The following SEMA3A variants were observed in gnomAD, a reference collection of about 807,000 sequenced individuals.
SEMA3A encodes semaphorin 3A.
Under a neutral mutation model 97.9 loss-of-function variants are expected in SEMA3A, and 29 were observed. The ratio of observed to expected loss-of-function variants is 0.30; its 90% CI spans 0.22 to 0.40. The LOEUF is 0.40. Ranked by LOEUF, SEMA3A falls within the 10% of genes least tolerant of loss-of-function variation. The pLI, the probability that SEMA3A is intolerant of heterozygous loss-of-function variation, is 1.00. For synonymous variants in SEMA3A, 321 were observed against 323.7 expected, an observed-to-expected ratio of 0.99 and a Z score of 0.09; for missense variants, 763 against 951.3, an observed-to-expected ratio of 0.80 and a Z score of 2.60.
intron 2 of SEMA3A, among the ~76,000 whole-genome samples, chr7:84,357,326 A>T (rs13437801): frequency 0.33 from 41,666 of 124,866 alleles, 6,440 homozygotes; most frequent in Middle Eastern, 0.44. Context: ...TGATGTTCCC[A>T]TTCCTGTTTC....
intron 2 of SEMA3A, among the ~76,000 whole-genome samples, chr7:84,337,308 T>C (rs1390861095): frequency 6.6e-6 from 1 of 152,166 alleles, no homozygotes; most frequent in Non-Finnish European, 1.5e-5. Context: ...TAGCACATTT[T>C]TGTTGATGCA....
intron 3 of SEMA3A, among the ~76,000 whole-genome samples, chr7:84,203,857 G>C (rs919056554): frequency 6.6e-6 from 1 of 151,916 alleles, no homozygotes. Context: ...TGCACTAGTT[G>C]TTCATGCTTT....
At chr7:84,052,253 T>A (rs929400267) in intron 5 of SEMA3A, among the ~76,000 whole-genome samples, 1 of 152,152 alleles carries the variant, frequency 6.6e-6, no homozygotes, top group Non-Finnish European at 1.5e-5. Flanking sequence ...ATTCCCTCTT[T>A]TTCTATTGAT....
intron 3 of SEMA3A, among the ~76,000 whole-genome samples, chr7:84,288,348 A>G (rs911495409): frequency 6.6e-6 from 1 of 152,204 alleles, no homozygotes; most frequent in African/African-American, 2.4e-5. Context: ...AGTGACACCC[A>G]TAAAGTAATT....
At chr7:84,339,247 G>A (rs1802107478) in intron 2 of SEMA3A, among the ~76,000 whole-genome samples, 1 of 152,112 alleles carries the variant, frequency 6.6e-6, no homozygotes. Context: ...TAGATGAATT[G>A]GGGACTAATA....
At chr7:84,086,639 C>T (rs1794383992) in intron 4 of SEMA3A, among the ~76,000 whole-genome samples, 1 of 142,658 alleles carries the variant, frequency 7.0e-6, no homozygotes, top group Admixed American at 7.3e-5. Flanking sequence ...AAGAAAATAA[C>T]TTGTGCTCCA....
chr7:84,404,568 G>C (rs1276402668), intron 1 of SEMA3A, among the ~76,000 whole-genome samples: 2 of 152,056 alleles, frequency 1.3e-5, no homozygotes, highest in African/African-American at 4.8e-5. Context: ...TCCTCGAGAA[G>C]AGCAACTCCA....
chr7:84,383,260 A>G (rs1803315198), intron 1 of SEMA3A, among the ~76,000 whole-genome samples: 1 of 152,170 alleles, frequency 6.6e-6, no homozygotes, highest in African/African-American at 2.4e-5. Flanking sequence ...CTTCTGTACT[A>G]AAGAATATTA....
At chr7:84,109,941 A>G (rs1018212130) in intron 4 of SEMA3A, among the ~76,000 whole-genome samples, 3 of 152,342 alleles carry the variant, frequency 2.0e-5, no homozygotes, top group East Asian at 3.9e-4. Context: ...TTAAAAAAAC[A>G]TATTTTTTTC....
At chr7:84,015,194 C>G (rs1449655970) in intron 6 of SEMA3A, among the ~76,000 whole-genome samples, 1 of 152,086 alleles carries the variant, frequency 6.6e-6, no homozygotes, top group Admixed American at 6.6e-5. Context: ...TCTAATCTTC[C>G]TTTGCTTATT....
intron 3 of SEMA3A, among the ~76,000 whole-genome samples, chr7:84,202,854 C>T (rs1798389195): frequency 1.3e-5 from 2 of 152,006 alleles, no homozygotes; most frequent in East Asian, 3.9e-4. Context: ...TTTCCCTGCC[C>T]CAAGTTATAT....
chr7:84,470,260 A>G (rs762886728), intron 1 of SEMA3A, among the ~76,000 whole-genome samples: 2 of 152,066 alleles, frequency 1.3e-5, no homozygotes, highest in Non-Finnish European at 2.9e-5. Context: ...GAATTAAATA[A>G]GGAGAAGTGT....
chr7:83,966,570 T>C (rs558384871), intron 15 of SEMA3A, among the ~76,000 whole-genome samples: 4 of 152,302 alleles, frequency 2.6e-5, no homozygotes, highest in African/African-American at 9.6e-5. Context: ...TAGTGACCGG[T>C]GAGGCTAAAA....
chr7:84,257,895 T>C (rs910210060), intron 3 of SEMA3A, among the ~76,000 whole-genome samples: 1 of 152,204 alleles, frequency 6.6e-6, no homozygotes, highest in African/African-American at 2.4e-5. Context: ...AATCATATAA[T>C]ATGATTAACA....
chr7:84,165,667 C>T (rs1797184860), intron 1 of SEMA3A, among the ~76,000 whole-genome samples: 1 of 152,120 alleles, frequency 6.6e-6, no homozygotes, highest in South Asian at 2.1e-4. Context: ...AGTCTCCTGA[C>T]TCAGCCTCCC....
At chr7:84,121,143 A>G (rs1004241560) in intron 3 of SEMA3A, among the ~76,000 whole-genome samples, 2 of 152,152 alleles carry the variant, frequency 1.3e-5, no homozygotes, top group African/African-American at 4.8e-5. Flanking sequence ...TTTGCAAACC[A>G]GCCTTCTACT....
rs749439004 is a variant in SEMA3A at position 84,052,172 on chromosome 7, CT to C, written c.548-5730del. 4.8e-3 allele frequency among the ~76,000 whole-genome samples: 734 copies of C among 151,734 alleles called. 2 individuals are homozygous for C. Among genetic ancestry groups the C allele is most frequent in the Admixed American group, 0.011 (174 of 15,232 alleles). ...ATCAAGGATATTGGTCTAAAATTCT[CT>C]TTTTTGGTTGTGTCTCTGCCTGGCT... On this transcript the variant is annotated intron_variant, in intron 5 of 16. Coordinates refer to ENST00000265362, the MANE Select transcript of SEMA3A (RefSeq NM_006080.3).
chr7:84,097,393 A>G (rs1332604147), intron 4 of SEMA3A, among the ~76,000 whole-genome samples: 4 of 152,172 alleles, frequency 2.6e-5, no homozygotes, highest in African/African-American at 9.7e-5. Context: ...GTGAATAGAT[A>G]AGTATTTTTT....
chr7:83,991,871 A>G (rs1789957966), intron 12 of SEMA3A, among the ~76,000 whole-genome samples: 1 of 145,124 alleles, frequency 6.9e-6, no homozygotes, highest in Non-Finnish European at 1.5e-5. Context: ...TTTTCTATTG[A>G]TTGGAATAGT....
Sources: gnomAD v4.1 joint callset for allele counts (sites outside exome capture counted in the v4.1 genomes callset) on GRCh38, gnomAD v4.1.1 for gene constraint, MANE v1.5 for transcripts, NCBI Gene and HGNC (gene_info 2026-07-23, HGNC 2026-07-21) for gene names.